The following EDA variants were observed in gnomAD, a reference collection of about 807,000 sequenced individuals.
EDA encodes the protein ectodysplasin A.
A neutral mutation model predicts 23.6 loss-of-function variants in EDA; 2 were observed. The ratio of observed to expected loss-of-function variants is 0.08; its 90% CI spans 0.03 to 0.27. The LOEUF (loss-of-function observed/expected upper bound fraction) is 0.27, where lower values mean the gene tolerates loss of function less well. Ranked by LOEUF, EDA falls within the 10% of genes least tolerant of loss-of-function variation. The pLI is 1.00. For synonymous variants in EDA, 131 were observed against 132.0 expected (o/e 0.99, Z 0.05); for missense variants, 229 against 324.2 (o/e 0.71, Z 2.26).
chrX:69,866,398 G>A lies in EDA; in HGVS notation c.397-90629G>A, dbSNP rs189506957. Among the ~76,000 whole-genome samples the A allele has an allele frequency of 1.1e-4, 12 of 111,428 alleles. No individual in the cohort carries two copies. The East Asian group carries it at 3.1e-3, about 29-fold the overall frequency. ...CTTAAGATTAGGAGGAGCCTAAAGT[G>A]TCCAGGTGGCAATCTTAACTTCCAG... On this transcript the variant is annotated intron_variant, in intron 1 of 7. Coordinates refer to ENST00000374552, the MANE Select transcript of EDA (RefSeq NM_001399.5).
chrX:69,767,739 G>T (rs1312668265), intron 1 of EDA, among the ~76,000 whole-genome samples: 1 of 111,813 alleles, frequency 8.9e-6, no homozygotes, highest in Non-Finnish European at 1.9e-5. Context: ...CAGTGGAATT[G>T]CTGGGATATA....
chrX:69,880,221 A>C (rs1167347102), intron 1 of EDA, among the ~76,000 whole-genome samples: 1 of 111,329 alleles, frequency 9.0e-6, no homozygotes, highest in African/African-American at 3.3e-5. Flanking sequence ...TCAGGTTGGC[A>C]AGGCAATGTA....
intron 1 of EDA, among the ~76,000 whole-genome samples, chrX:69,887,302 A>G (rs2017844355): frequency 9.0e-6 from 1 of 111,441 alleles, no homozygotes; most frequent in South Asian, 3.8e-4. Flanking sequence ...GTGAGACTCC[A>G]TCTCAAAAAA....
chrX:69,832,625 G>A (rs1331982897), intron 1 of EDA, among the ~76,000 whole-genome samples: 1 of 111,389 alleles, frequency 9.0e-6, no homozygotes, highest in Non-Finnish European at 1.9e-5. Context: ...TAAATTACTT[G>A]GGGAAGTATG....
At chrX:69,762,612 A>G (rs1261706680) in intron 1 of EDA, among the ~76,000 whole-genome samples, 2 of 111,941 alleles carry the variant, frequency 1.8e-5, no homozygotes, top group Non-Finnish European at 3.8e-5. Context: ...CCCATGTCCA[A>G]ATAGAAGCAG....
chrX:70,035,443 A>C lies in EDA; in HGVS notation c.1010A>C (p.Glu337Ala), dbSNP rs747675199. Residue 337 changes from glutamate to alanine, a missense_variant, in exon 8 of 8, where the codon GAG (glutamate) becomes GCG (alanine). By Grantham distance (107) the Glu-to-Ala change is moderately radical. Transcript: ENST00000374552. ...TTCCTGCAGTGCACACGCAGCATCG[A>C]GACGGGCAAGACCAACTACAACACT... ...KPFLQCTRSI[E>A]TGKTNYNTCY... 2.5e-6 allele frequency: 3 copies of C among 1,207,870 alleles called. No homozygotes were observed. Among genetic ancestry groups the C allele is most frequent in the Non-Finnish European group, 3.4e-6 (3 of 894,709 alleles).
At chrX:70,022,231 T>G (rs5980892) in intron 2 of EDA, among the ~76,000 whole-genome samples, 2 of 111,183 alleles carry the variant, frequency 1.8e-5, no homozygotes, top group Non-Finnish European at 3.8e-5. Context: ...GTACCTTCAA[T>G]TGATTAGAAT....
chrX:69,963,879 ATATAT>A (rs1395174630), intron 2 of EDA, among the ~76,000 whole-genome samples: 2 of 111,932 alleles, frequency 1.8e-5, no homozygotes, highest in African/African-American at 6.5e-5. Flanking sequence ...AAAATGATAC[ATATAT>A]TATAACAAAT....
chrX:69,965,758 A>T (rs954776272), intron 2 of EDA, among the ~76,000 whole-genome samples: 3 of 112,698 alleles, frequency 2.7e-5, no homozygotes, highest in African/African-American at 9.7e-5. Flanking sequence ...ATTTAATTTT[A>T]AAAATAGTCT....
At chrX:69,783,536 T>G (rs1205458765) in intron 1 of EDA, among the ~76,000 whole-genome samples, 9 of 102,509 alleles carry the variant, frequency 8.8e-5, no homozygotes, top group Non-Finnish European at 1.8e-4. Flanking sequence ...GAATATGCAG[T>G]CTTTGGTTTT....
intron 1 of EDA, among the ~76,000 whole-genome samples, chrX:69,676,482 T>TTCTG (rs1381650878): frequency 1.2e-5 from 1 of 83,219 alleles, no homozygotes; most frequent in Admixed American, 1.5e-4. Context: ...GAATGAGTTT[T>TTCTG]TCTGTGTGTG....
At position 69,742,278 on chromosome X, in the gene EDA, G is replaced by A. The variant is rs1474068222; in HGVS notation, c.396+125574G>A. ...GTTTGGGTGTAGGTAAGAAATGTTG[G>A]CATCCTACCCTACCCCGTGTGACAC... On this transcript the variant is annotated intron_variant, in intron 1 of 7. Coordinates refer to ENST00000374552, the MANE Select transcript of EDA (RefSeq NM_001399.5). Among the ~76,000 whole-genome samples, 44 of 111,281 alleles carry A rather than the reference G, an allele frequency of 4.0e-4. 1 individual carries two copies. In the Admixed American group the frequency reaches 4.2e-3, roughly 11 times the overall value.
intron 1 of EDA, among the ~76,000 whole-genome samples, chrX:69,771,188 G>T (rs1351529365): frequency 9.1e-6 from 1 of 109,765 alleles, no homozygotes; most frequent in Admixed American, 9.8e-5. Context: ...CCCCCAAGTC[G>T]CTGGGACTAC....
intron 1 of EDA, among the ~76,000 whole-genome samples, chrX:69,846,617 AG>A (rs2017014085): frequency 9.0e-6 from 1 of 111,331 alleles, no homozygotes; most frequent in Non-Finnish European, 1.9e-5. Flanking sequence ...TAACTTCGTC[AG>A]TCACCAAAAA....
In EDA at chrX:70,039,403, G is replaced by A. The variant is rs1473016016; in HGVS notation, c.*3794G>A. ...AACTATATATAATGTATATAAACTG[G>A]GATGTAAGTTTGTGTAAATTAATGG... On this transcript the variant is annotated 3_prime_UTR_variant, in exon 8 of 8. Coordinates refer to ENST00000374552, the MANE Select transcript of EDA (RefSeq NM_001399.5). 2.7e-5 allele frequency: 3 copies of A among 111,854 alleles called. No individual in the cohort carries two copies. In the Admixed American group the frequency reaches 2.9e-4, roughly 11 times the overall value. The allele number at this position is 111,854 out of a possible 1,213,427, so 9.2% of individuals were successfully genotyped here. A position where few individuals can be genotyped will look rare whatever the true frequency, so the allele number is the denominator to read the frequency against.
chrX:69,966,377 C>T lies in EDA; in HGVS notation c.502+9245C>T, dbSNP rs771725171. ...GGTGGATCACCTGAGGTCAGGAGTT[C>T]GAGACCAGCCTGGCTAACATGGTGA... On this transcript the variant is annotated intron_variant, in intron 2 of 7. Coordinates refer to ENST00000374552, the MANE Select transcript of EDA (RefSeq NM_001399.5). Among the ~76,000 whole-genome samples, 32 of 110,455 alleles carry T rather than the reference C, an allele frequency of 2.9e-4. No individual in the cohort carries two copies. In the East Asian group the frequency reaches 7.2e-3, roughly 25 times the overall value.
chrX:69,940,304 G>A (rs2018738932), intron 1 of EDA, among the ~76,000 whole-genome samples: 1 of 111,120 alleles, frequency 9.0e-6, no homozygotes, highest in African/African-American at 3.3e-5. Context: ...TTTCATCATG[G>A]TTCAATCTTG....
intron 1 of EDA, chrX:69,937,399 C>T: frequency 1.5e-6 from 1 of 686,778 alleles, no homozygotes; most frequent in Non-Finnish European, 2.4e-6. Flanking sequence ...TGTAATCCAT[C>T]TTTGAGATGT....
At chrX:69,784,803 A>C (rs1285456851) in intron 1 of EDA, among the ~76,000 whole-genome samples, 1 of 107,805 alleles carries the variant, frequency 9.3e-6, no homozygotes, top group Non-Finnish European at 1.9e-5. Context: ...ATGAACTTTA[A>C]AGTAGTTTTT....
Sources: allele counts gnomAD v4.1 joint callset (sites outside exome capture counted in the v4.1 genomes callset), GRCh38; gene constraint gnomAD v4.1.1; transcripts MANE v1.5; gene names NCBI Gene and HGNC (gene_info 2026-07-23, HGNC 2026-07-21).